The following PPM1L variants were observed in gnomAD, a reference collection of about 807,000 sequenced individuals.
PPM1L encodes protein phosphatase, Mg2+/Mn2+ dependent 1L.
In PPM1L, 13 loss-of-function variants were observed where a neutral mutation model predicts 31.4. The observed-to-expected ratio is 0.41, with a 90% CI of 0.27 to 0.66. PPM1L has a LOEUF of 0.66. Ranked by LOEUF, PPM1L falls within the 30% of genes least tolerant of loss-of-function variation. The pLI, the probability that PPM1L is intolerant of heterozygous loss-of-function variation, is 0.29. For missense variants in PPM1L, 326 were observed against 453.7 expected (o/e 0.72, Z 2.56); for synonymous variants, 184 against 175.4 (o/e 1.05, Z -0.39).
chr3:160,773,018 C>G (rs192167996), intron 1 of PPM1L, among the ~76,000 whole-genome samples: 2 of 152,284 alleles, frequency 1.3e-5, no homozygotes, highest in Admixed American at 6.5e-5. Flanking sequence ...CCTTCATGTA[C>G]AAGCCTTTGT....
chr3:160,885,723 C>T (rs2121718), intron 1 of PPM1L, among the ~76,000 whole-genome samples: 57,197 of 152,172 alleles, frequency 0.38, 13,665 homozygotes, highest in Non-Finnish European at 0.54. Flanking sequence ...AGCCACGGAT[C>T]GGAAGATCCC....
At position 160,892,874 on chromosome 3, in the gene PPM1L, A is replaced by G. The variant is rs143955992; in HGVS notation, c.400-68862A>G. Among the ~76,000 whole-genome samples, 136 of 152,292 alleles carry G rather than the reference A, an allele frequency of 8.9e-4. 1 individual carries two copies. The East Asian group carries it at 0.014, about 16-fold the overall frequency. On this transcript the variant is annotated intron_variant, in intron 1 of 3. Transcript: ENST00000498165. ...GATTACAATTAATCATTAGATTCAC[A>G]GAATTCATTGATAATAAAAATTATT...
chr3:160,881,661 A>G (rs934707806), intron 1 of PPM1L, among the ~76,000 whole-genome samples: 1 of 152,122 alleles, frequency 6.6e-6, no homozygotes, highest in Non-Finnish European at 1.5e-5. Flanking sequence ...TATTTCTTCT[A>G]TTCAGAATTC....
At position 160,903,208 on chromosome 3, in the gene PPM1L, T is replaced by TA. The variant is rs1553819694; in HGVS notation, c.400-58528_400-58527insA. On this transcript the variant is annotated intron_variant, in intron 1 of 3. Coordinates refer to ENST00000498165, the MANE Select transcript of PPM1L (RefSeq NM_139245.4). Reference sequence around the variant, plus strand: ...GTGTGTGTGTGGTATGTGTGTATGTTTGTGTGTGTGTGTGTGTGTGTGTGT... The same window carrying TA: ...GTGTGTGTGTGGTATGTGTGTATGTTATGTGTGTGTGTGTGTGTGTGTGTGT... Among the ~76,000 whole-genome samples the TA allele has an allele frequency of 5.1e-3, 613 of 120,070 alleles. 2 individuals carry two copies. Among genetic ancestry groups the TA allele is most frequent in the African/African-American group, 0.014 (464 of 32,098 alleles). The allele number at this position is 120,070 out of a possible 152,430, so 78.8% of individuals were successfully genotyped here.
chr3:161,055,143 A>G (rs1040198522), intron 2 of PPM1L, among the ~76,000 whole-genome samples: 3 of 152,152 alleles, frequency 2.0e-5, no homozygotes, highest in Non-Finnish European at 4.4e-5. Flanking sequence ...GACAAGAGAG[A>G]AAAGAAAGAT....
intron 1 of PPM1L, among the ~76,000 whole-genome samples, chr3:160,881,708 G>C (rs1712722817): frequency 6.6e-6 from 1 of 152,096 alleles, no homozygotes; most frequent in Non-Finnish European, 1.5e-5. Flanking sequence ...TCACTTTCTA[G>C]TAATGTGTGT....
At chr3:160,945,844 A>G (rs1172678008) in intron 1 of PPM1L, among the ~76,000 whole-genome samples, 1 of 152,136 alleles carries the variant, frequency 6.6e-6, no homozygotes, top group African/African-American at 2.4e-5. Context: ...CTTACACTTA[A>G]TAAATAGTAA....
intron 2 of PPM1L, among the ~76,000 whole-genome samples, chr3:161,054,296 T>C (rs1386182152): frequency 6.6e-6 from 1 of 151,072 alleles, no homozygotes; most frequent in African/African-American, 2.4e-5. Context: ...TTAGGGCTGC[T>C]ACCAGTCTCT....
intron 2 of PPM1L, among the ~76,000 whole-genome samples, chr3:160,992,317 T>C (rs904034460): frequency 1.3e-5 from 2 of 152,216 alleles, no homozygotes; most frequent in Non-Finnish European, 2.9e-5. Flanking sequence ...TTCTTTTAAG[T>C]ATCTGCAGTG....
At chr3:160,910,186 C>CTTCCCCTTCCCCTTCCCTGTCCCT (rs1713906009) in intron 1 of PPM1L, among the ~76,000 whole-genome samples, 1 of 143,470 alleles carries the variant, frequency 7.0e-6, no homozygotes, top group Non-Finnish European at 1.5e-5. Flanking sequence ...TCCCCTTCCC[C>CTTCCCCTTCCCCTTCCCTGTCCCT]TTCCCCTTCC....
chr3:160,994,978 A>T (rs757350238), intron 2 of PPM1L, among the ~76,000 whole-genome samples: 5 of 152,298 alleles, frequency 3.3e-5, no homozygotes, highest in Non-Finnish European at 7.4e-5. Context: ...GGGACAAGGC[A>T]GAGGATGATA....
At chr3:160,846,268 GGTGGA>G (rs1205628090) in intron 1 of PPM1L, among the ~76,000 whole-genome samples, 4 of 151,980 alleles carry the variant, frequency 2.6e-5, no homozygotes, top group African/African-American at 7.2e-5. Flanking sequence ...GCAAACAGTT[GGTGGA>G]CATGTGGTGA....
At chr3:160,915,748 A>G (rs1479072836) in intron 1 of PPM1L, among the ~76,000 whole-genome samples, 1 of 152,232 alleles carries the variant, frequency 6.6e-6, no homozygotes, top group African/African-American at 2.4e-5. Context: ...CCTCAGAAAT[A>G]ATGCTGCATA....
intron 2 of PPM1L, among the ~76,000 whole-genome samples, chr3:161,005,797 A>T (rs1717684202): frequency 1.3e-5 from 2 of 152,210 alleles, no homozygotes; most frequent in Non-Finnish European, 2.9e-5. Flanking sequence ...TAGGATTTAG[A>T]CATGCAAAAA....
intron 1 of PPM1L, among the ~76,000 whole-genome samples, chr3:160,766,868 G>A (rs1715114524): frequency 6.7e-6 from 1 of 148,190 alleles, no homozygotes; most frequent in Non-Finnish European, 1.5e-5. Context: ...TGTTAAGATT[G>A]AGACTTAACC....
chr3:160,994,843 A>C (rs537663894), intron 2 of PPM1L, among the ~76,000 whole-genome samples: 1 of 152,280 alleles, frequency 6.6e-6, no homozygotes, highest in Non-Finnish European at 1.5e-5. Context: ...CAGTATAGGG[A>C]ATAGGAGAGG....
chr3:160,961,069 A>T (rs1309620066), intron 1 of PPM1L, among the ~76,000 whole-genome samples: 4 of 152,204 alleles, frequency 2.6e-5, no homozygotes, highest in Non-Finnish European at 5.9e-5. Flanking sequence ...CAACAACAAC[A>T]ACAACAAACT....
chr3:161,071,931 C>CT lies in PPM1L; in HGVS notation c.*2775dup, dbSNP rs978323331. Reference sequence around the variant, plus strand: ...ACCCAAGGCTTCCTAGACTCCCTAGCTAGCTCGAGTTCGAATTGCCAATAG... The same window carrying CT: ...ACCCAAGGCTTCCTAGACTCCCTAGCTTAGCTCGAGTTCGAATTGCCAATAG... On this transcript the variant is annotated 3_prime_UTR_variant, in exon 4 of 4. Coordinates refer to ENST00000498165, the MANE Select transcript of PPM1L (RefSeq NM_139245.4). 27 of 152,336 alleles carry CT rather than the reference C, an allele frequency of 1.8e-4. No individual in the cohort carries two copies. Among genetic ancestry groups the CT allele is most frequent in the African/African-American group, 6.5e-4 (27 of 41,582 alleles). The allele number at this position is 152,336 out of a possible 1,614,324, so 9.4% of individuals were successfully genotyped here.
chr3:160,779,930 A>G (rs1175262380), intron 1 of PPM1L, among the ~76,000 whole-genome samples: 2 of 151,982 alleles, frequency 1.3e-5, no homozygotes, highest in Admixed American at 1.3e-4. Flanking sequence ...TTTTTTTAGT[A>G]TGTACCTCAT....
Sources: gnomAD v4.1 joint callset for allele counts (sites outside exome capture counted in the v4.1 genomes callset) on GRCh38, gnomAD v4.1.1 for gene constraint, MANE v1.5 for transcripts, NCBI Gene and HGNC (gene_info 2026-07-23, HGNC 2026-07-21) for gene names.